Variants in DYNC1H1 observed in about 807,000 individuals in gnomAD.
DYNC1H1 encodes the protein dynein cytoplasmic 1 heavy chain 1.
A neutral mutation model predicts 527.1 loss-of-function variants in DYNC1H1; 51 were observed. That is an observed-to-expected ratio of 0.10 (90% CI 0.08 to 0.12). The LOEUF (loss-of-function observed/expected upper bound fraction) is 0.12, where lower values mean the gene tolerates loss of function less well. Ranked by LOEUF, DYNC1H1 falls within the 10% of genes least tolerant of loss-of-function variation. The pLI is 1.00. For synonymous variants in DYNC1H1, 2,189 were observed against 2,278.8 expected (o/e 0.96, Z 1.12); for missense variants, 2,771 against 5,971.8 (o/e 0.46, Z 17.66).
Position 102,004,680 on chromosome 14 carries a change from G to A in DYNC1H1, c.5046G>A (p.Glu1682=). Residue 1682 remains glutamate (E), a synonymous_variant, in exon 24 of 78, where the codon GAG becomes GAA. Transcript: ENST00000360184. ...TGGGTATTTCATCTCGGGAAGGAGAGGAGGTAAATTTATGTTCGTAACTTT... is the reference window on the plus strand; with the variant it reads ...TGGGTATTTCATCTCGGGAAGGAGAAGAGGTAAATTTATGTTCGTAACTTT... ...VVLGISSREG[E]EVMFKTPVSI... is the part of the protein sequence containing the mutation. 6.2e-7 allele frequency: 1 copy of A among 1,614,140 alleles called. No individual in the cohort carries two copies. Among genetic ancestry groups the A allele is most frequent in the Middle Eastern group, 1.6e-4 (1 of 6,062 alleles).
At chr14:102,000,804 C>T in intron 18 of DYNC1H1, 150 bp from the exon 19 acceptor site, 1 of 725,150 alleles carries the variant, frequency 1.4e-6, no homozygotes, top group East Asian at 2.7e-5. Context: ...GAACTCCCGA[C>T]CTCAAGTGAT....
Position 102,027,352 on chromosome 14 carries a change from G to A in DYNC1H1, c.8887-31G>A, listed in dbSNP as rs752166123. 1 of 1,614,138 alleles carries A rather than the reference G, an allele frequency of 6.2e-7. No individual in the cohort carries two copies. The highest frequency in any genetic ancestry group is 1.1e-5 in the South Asian group (1 of 91,082). On this transcript the variant is annotated intron_variant, in intron 45 of 77. Coordinates refer to ENST00000360184, the MANE Select transcript of DYNC1H1 (RefSeq NM_001376.5). The surrounding 1 kb of genome is among the most constrained non-coding windows in gnomAD (Gnocchi z 7.7). ...TGTGTGTGCAGAGCTCAGTGAGTAG[G>A]AATGGACCTAACTTGCCTCTGCTTC...
chr14:102,011,078 T>C lies in DYNC1H1; in HGVS notation c.6618+126T>C, dbSNP rs1342755785. On this transcript the variant is annotated intron_variant, in intron 32 of 77. Coordinates refer to ENST00000360184, the MANE Select transcript of DYNC1H1 (RefSeq NM_001376.5). The surrounding 1 kb of genome is among the most constrained non-coding windows in gnomAD (Gnocchi z 5.3). ...GGCTGTGGAGGTGCATAATATGCTT[T>C]ATGAAGATTTGCCCAAGGCCTATTT... The C allele has an allele frequency of 3.9e-6, 4 of 1,032,300 alleles. No homozygotes were observed. In the African/African-American group the frequency reaches 6.3e-5, roughly 16 times the overall value. The allele number at this position is 1,032,300 out of a possible 1,614,324, so 63.9% of individuals were successfully genotyped here.
At chr14:101,984,933 A>AG (rs2047916708) in intron 7 of DYNC1H1, among the ~76,000 whole-genome samples, 2 of 88,010 alleles carry the variant, frequency 2.3e-5, no homozygotes, top group African/African-American at 1.1e-4. Context: ...GCTCCGTCTC[A>AG]AAAAAAAAAA....
chr14:101,965,870 G>A lies in DYNC1H1; in HGVS notation c.256+923G>A, dbSNP rs1186450165. On this transcript the variant is annotated intron_variant, in intron 1 of 77. Coordinates refer to ENST00000360184, the MANE Select transcript of DYNC1H1 (RefSeq NM_001376.5). This position sits in a 1 kb window ranked among gnomAD's most constrained non-coding sequence, Gnocchi z 4.1. ...CACCTAGTAGGGGGAAGAGGCTAGA[G>A]TTAGCGTGTTCCAGCTGTCTCCTCA... is the stretch of plus-strand genomic sequence containing the variant. Among the ~76,000 whole-genome samples, 3 of 151,402 alleles carry A rather than the reference G, an allele frequency of 2.0e-5. No individual in the cohort carries two copies. The highest frequency in any genetic ancestry group is 1.5e-5 in the Non-Finnish European group (1 of 67,966).
At position 102,018,332 on chromosome 14, in the gene DYNC1H1, A is replaced by G. The variant is rs2048348674; in HGVS notation, c.8178-119A>G. On this transcript the variant is annotated intron_variant, in intron 40 of 77. Coordinates refer to ENST00000360184, the MANE Select transcript of DYNC1H1 (RefSeq NM_001376.5). This position sits in a 1 kb window ranked among gnomAD's most constrained non-coding sequence, Gnocchi z 5.2. ...GCTAACACTGATGTCAAGTCTGCAT[A>G]GCTGGGTTAGGAAGCGACCTCCAGA... 3 of 1,414,058 alleles carry G rather than the reference A, an allele frequency of 2.1e-6. No individual in the cohort carries two copies. The highest frequency in any genetic ancestry group is 4.0e-5 in the Admixed American group (2 of 49,780). The allele number at this position is 1,414,058 out of a possible 1,614,324, so 87.6% of individuals were successfully genotyped here.
intron 5 of DYNC1H1, among the ~76,000 whole-genome samples, chr14:101,981,656 A>G (rs1270957295): frequency 6.6e-6 from 1 of 152,230 alleles, no homozygotes; most frequent in Non-Finnish European, 1.5e-5. Flanking sequence ...GAAAATTGTA[A>G]GTAGAAACCT....
At chr14:101,989,581 A>G (rs1224695342) in intron 10 of DYNC1H1, among the ~76,000 whole-genome samples, 1 of 152,256 alleles carries the variant, frequency 6.6e-6, no homozygotes, top group Admixed American at 6.5e-5. Flanking sequence ...ATATTTACCA[A>G]TAAAAAGGAC....
chr14:102,004,430 T>C (rs2048173525), intron 23 of DYNC1H1, 88 bp from the exon 24 acceptor site: 5 of 1,443,156 alleles, frequency 3.5e-6, no homozygotes, highest in Non-Finnish European at 4.7e-6. Flanking sequence ...CACATGTTCT[T>C]TCCCTTCCTG....
intron 11 of DYNC1H1, among the ~76,000 whole-genome samples, chr14:101,992,004 G>GCC (rs2048004181): frequency 6.9e-6 from 1 of 145,102 alleles, no homozygotes; most frequent in Non-Finnish European, 1.5e-5. Context: ...GGAATCAAGA[G>GCC]CCCCCCACCA....
chr14:102,004,536 T>C lies in DYNC1H1; in HGVS notation c.4902T>C (p.Asp1634=), dbSNP rs370806297. 13 of 1,613,306 alleles carry C rather than the reference T, an allele frequency of 8.1e-6. No homozygotes were observed. The highest frequency in any genetic ancestry group is 1.3e-5 in the African/African-American group (1 of 74,944). The change falls in exon 24 of 78, where the codon GAT becomes GAC. Residue 1634 remains aspartate, a synonymous_variant. Transcript: ENST00000360184. ...ATTTTAGGTTCTATTTTGTGGGTGA[T>C]GAAGATTTGCTTGAAATCATTGGAA... ...SSFPRFYFVG[D]EDLLEIIGNS... is the part of the protein sequence containing the mutation.
Position 102,002,900 on chromosome 14 carries a change from C to A in DYNC1H1, c.4818C>A (p.Asp1606Glu). 1.2e-6 allele frequency: 2 copies of A among 1,614,186 alleles called. No homozygotes were observed. Among genetic ancestry groups the A allele is most frequent in the Non-Finnish European group, 1.7e-6 (2 of 1,180,028 alleles). ...GVQRSLERLA[D>E]LLGKIQKALG... Reference sequence around the variant, plus strand: ...AGAGGTCTCTGGAAAGATTGGCAGACCTGCTAGGAAAGATCCAGAAAGCAT... The same window carrying A: ...AGAGGTCTCTGGAAAGATTGGCAGAACTGCTAGGAAAGATCCAGAAAGCAT... Residue 1606 changes from aspartate (D) to glutamate (E), a missense_variant, in exon 23 of 78, where the codon GAC becomes GAA. Asp to Glu is a conservative substitution (Grantham distance 45). Coordinates refer to ENST00000360184, the MANE Select transcript of DYNC1H1 (RefSeq NM_001376.5). The surrounding 1 kb of genome is among the most constrained non-coding windows in gnomAD (Gnocchi z 4.4).
rs1064796963 is a variant in DYNC1H1, at chr14:102,011,995, G to A, written c.6739G>A (p.Val2247Met). ...GAAGGCATTGGAGAGACTCGAGGGT[G>A]TGGAAGGTGTGGCCCATATCATCGA... ...LLKALERLEG[V>M]EGVAHIIDPK... The change falls in exon 33 of 78, where the codon GTG (valine) becomes ATG (methionine). Residue 2247 changes from valine (V) to methionine (M), a missense_variant. Val to Met is a conservative substitution (Grantham distance 21). Coordinates refer to ENST00000360184, the MANE Select transcript of DYNC1H1 (RefSeq NM_001376.5). The surrounding 1 kb of genome is among the most constrained non-coding windows in gnomAD (Gnocchi z 5.3). 4 of 1,614,056 alleles carry A rather than the reference G, an allele frequency of 2.5e-6. No homozygotes were observed. The highest frequency in any genetic ancestry group is 3.4e-6 in the Non-Finnish European group (4 of 1,180,046).
chr14:102,001,812 C>G lies in DYNC1H1; in HGVS notation c.4542+131C>G, dbSNP rs2141286313. ...TTTGAGACAGGGTCTCACTCTGTCTCCCACGCTGGAGTGCAGTGGCACCAT... is the reference window on the plus strand; with the variant it reads ...TTTGAGACAGGGTCTCACTCTGTCTGCCACGCTGGAGTGCAGTGGCACCAT... On this transcript the variant is annotated intron_variant, in intron 21 of 77. Coordinates refer to ENST00000360184, the MANE Select transcript of DYNC1H1 (RefSeq NM_001376.5). The surrounding 1 kb of genome is among the most constrained non-coding windows in gnomAD (Gnocchi z 5.0). 2.3e-6 allele frequency: 3 copies of G among 1,309,934 alleles called. No homozygotes were observed. The highest frequency in any genetic ancestry group is 3.2e-6 in the Non-Finnish European group (3 of 939,592). 81.1% of individuals were successfully genotyped at this position (1,309,934 alleles called of 1,614,324 possible). A position where few individuals can be genotyped will look rare whatever the true frequency, so the allele number is the denominator to read the frequency against.
At chr14:101,977,055 A>G (rs576826942) in intron 2 of DYNC1H1, among the ~76,000 whole-genome samples, 13 of 152,216 alleles carry the variant, frequency 8.5e-5, no homozygotes, top group African/African-American at 3.1e-4. Flanking sequence ...TCAATTTCCC[A>G]CAGATACCAA....
In DYNC1H1 at chr14:101,970,489, T is replaced by G. The variant is rs540455350; in HGVS notation, c.257-5223T>G. On this transcript the variant is annotated intron_variant, in intron 1 of 77. Coordinates refer to ENST00000360184, the MANE Select transcript of DYNC1H1 (RefSeq NM_001376.5). Reference sequence around the variant, plus strand: ...TTTGTTGTTGTTTTTTTTTTTTTTTTTTTTTTTTTTTGAGATGGCGTCTTG... The same window carrying G: ...TTTGTTGTTGTTTTTTTTTTTTTTTGTTTTTTTTTTTGAGATGGCGTCTTG... Among the ~76,000 whole-genome samples, 731 of 127,104 alleles carry G rather than the reference T, an allele frequency of 5.8e-3. 22 individuals are homozygous for G. The highest frequency in any genetic ancestry group is 0.039 in the East Asian group (176 of 4,558). The allele number at this position is 127,104 out of a possible 152,430, so 83.4% of individuals were successfully genotyped here. A position where few individuals can be genotyped will look rare whatever the true frequency, so the allele number is the denominator to read the frequency against.
intron 43 of DYNC1H1, 96 bp from the exon 44 acceptor site, chr14:102,026,478 A>T (rs898462095): frequency 8.3e-5 from 112 of 1,355,292 alleles, no homozygotes; most frequent in Non-Finnish European, 1.1e-4. Flanking sequence ...TTGCATTTTT[A>T]ACAGTTTCTT....
In DYNC1H1 at chr14:102,015,778, T is replaced by C; in HGVS notation, c.7243-78T>C. Reference sequence around the variant, plus strand: ...AGTTTTCCAAGGTCGTATGACCTTCTCCTGGGACCAGGTTAGAATCGATGA... The same window carrying C: ...AGTTTTCCAAGGTCGTATGACCTTCCCCTGGGACCAGGTTAGAATCGATGA... On this transcript the variant is annotated intron_variant, in intron 35 of 77. Transcript: ENST00000360184. The surrounding 1 kb of genome is among the most constrained non-coding windows in gnomAD (Gnocchi z 6.9). 1 of 1,509,082 alleles carries C rather than the reference T, an allele frequency of 6.6e-7. No individual in the cohort carries two copies. Among genetic ancestry groups the C allele is most frequent in the Non-Finnish European group, 9.1e-7 (1 of 1,100,928 alleles). The allele number at this position is 1,509,082 out of a possible 1,614,324, so 93.5% of individuals were successfully genotyped here.
chr14:102,023,457 G>A (rs1040624466), intron 43 of DYNC1H1: 2 of 193,484 alleles, frequency 1.0e-5, no homozygotes, highest in South Asian at 1.9e-4. Flanking sequence ...GCTGAGGCAG[G>A]AGAATCTTTG....
Sources: gnomAD v4.1 joint callset for allele counts (sites outside exome capture counted in the v4.1 genomes callset) on GRCh38, gnomAD v4.1.1 for gene constraint, Gnocchi (gnomAD v3.1) non-coding constraint, MANE v1.5 for transcripts, NCBI Gene and HGNC (gene_info 2026-07-23, HGNC 2026-07-21) for gene names.